Variants in PCDH15 observed in about 807,000 individuals in gnomAD.
PCDH15 encodes protocadherin related 15.
A neutral mutation model predicts 178.5 loss-of-function variants in PCDH15; 129 were observed. That is an observed-to-expected ratio of 0.72 (90% CI 0.63 to 0.84). The LOEUF is 0.84. Ranked by LOEUF, PCDH15 falls within the 40% of genes least tolerant of loss-of-function variation. The pLI is 0.00. For missense variants in PCDH15, 2,230 were observed against 2,099.9 expected, an observed-to-expected ratio of 1.06 and a Z score of -1.21; for synonymous variants, 800 against 732.0, an observed-to-expected ratio of 1.09 and a Z score of -1.50.
chr10:55,434,202 T>A (rs1006206907), intron 2 of PCDH15, among the ~76,000 whole-genome samples: 20 of 144,176 alleles, frequency 1.4e-4, no homozygotes, highest in Non-Finnish European at 2.3e-4. Flanking sequence ...TGCCTCAGCC[T>A]CCCTACAGGC....
At chr10:54,201,777 G>A (rs796439843) in intron 10 of PCDH15, among the ~76,000 whole-genome samples, 30 of 152,030 alleles carry the variant, frequency 2.0e-4, no homozygotes, top group African/African-American at 7.0e-4. Flanking sequence ...TACACGAAGT[G>A]GAAATTAATT....
chr10:55,006,383 T>A (rs1839928223), intron 2 of PCDH15, among the ~76,000 whole-genome samples: 1 of 152,218 alleles, frequency 6.6e-6, no homozygotes, highest in Non-Finnish European at 1.5e-5. Context: ...CAAAATAATA[T>A]TTAATTTAAA....
intron 1 of PCDH15, among the ~76,000 whole-genome samples, chr10:54,786,562 T>C (rs1344757166): frequency 6.6e-6 from 1 of 152,038 alleles, no homozygotes; most frequent in East Asian, 1.9e-4. Context: ...AAATCTGATT[T>C]ATTCATTTAA....
chr10:53,991,375 A>G (rs1355621563), intron 21 of PCDH15, among the ~76,000 whole-genome samples: 1 of 151,942 alleles, frequency 6.6e-6, no homozygotes, highest in African/African-American at 2.4e-5. Context: ...GGATGCACCA[A>G]TCAGCACTCT....
chr10:55,468,381 C>T (rs893356660), intron 2 of PCDH15: 4 of 152,122 alleles, frequency 2.6e-5, no homozygotes, highest in African/African-American at 9.7e-5. Flanking sequence ...GAATTTTGAG[C>T]TGAAAGCTAA....
intron 1 of PCDH15, among the ~76,000 whole-genome samples, chr10:54,751,845 A>G (rs1284428392): frequency 6.6e-6 from 1 of 152,196 alleles, no homozygotes; most frequent in Non-Finnish European, 1.5e-5. Flanking sequence ...TACAAAAGTG[A>G]TGTTATAAAA....
chr10:55,298,706 G>A (rs866062323), intron 1 of PCDH15, among the ~76,000 whole-genome samples: 4 of 151,684 alleles, frequency 2.6e-5, no homozygotes, highest in Admixed American at 2.0e-4. Flanking sequence ...TCCACCTCCC[G>A]AGTAGCTGGG....
At chr10:54,198,300 A>G (rs1375709308) in intron 10 of PCDH15, among the ~76,000 whole-genome samples, 1 of 152,030 alleles carries the variant, frequency 6.6e-6, no homozygotes, top group Non-Finnish European at 1.5e-5. Flanking sequence ...CTACGCCTGG[A>G]AAACATTGTT....
At chr10:55,181,397 T>C (rs570999295) in intron 1 of PCDH15, among the ~76,000 whole-genome samples, 3 of 152,166 alleles carry the variant, frequency 2.0e-5, no homozygotes, top group East Asian at 3.9e-4. Context: ...TGTTAAAATA[T>C]ACTAATTAAT....
chr10:54,088,082 T>A (rs556362894), intron 16 of PCDH15, among the ~76,000 whole-genome samples: 106 of 152,294 alleles, frequency 7.0e-4, no homozygotes, highest in Non-Finnish European at 9.6e-4. Context: ...CAATTCAACC[T>A]CTTTTCATTA....
chr10:53,804,400 C>T lies in PCDH15; in HGVS notation c.*2179G>A, dbSNP rs766446603. On this transcript the variant is annotated 3_prime_UTR_variant, in exon 38 of 38. Coordinates refer to ENST00000644397, the MANE Select transcript of PCDH15 (RefSeq NM_001384140.1). ...GTAACCAAAGAAAGCGTCTAAGAGT[C>T]GCAAAACATTTGGTTGAATCCGTGT... 5.3e-5 allele frequency: 8 copies of T among 151,902 alleles called. No homozygotes were observed. Among genetic ancestry groups the T allele is most frequent in the Non-Finnish European group, 7.4e-5 (5 of 67,898 alleles). The allele number at this position is 151,902 out of a possible 1,614,324, so 9.4% of individuals were successfully genotyped here. A position where few individuals can be genotyped will look rare whatever the true frequency, so the allele number is the denominator to read the frequency against.
chr10:55,547,219 T>C (rs746624231), intron 2 of PCDH15, among the ~76,000 whole-genome samples: 5 of 152,122 alleles, frequency 3.3e-5, no homozygotes, highest in Admixed American at 6.6e-5. Flanking sequence ...TGAAGGCATA[T>C]CAGAGAGGAT....
At chr10:54,126,485 CCATT>C (rs1230302026) in intron 15 of PCDH15, among the ~76,000 whole-genome samples, 2 of 151,918 alleles carry the variant, frequency 1.3e-5, no homozygotes, top group Non-Finnish European at 2.9e-5. Context: ...AAGATAGTCC[CCATT>C]ATTTTAATAA....
intron 3 of PCDH15, among the ~76,000 whole-genome samples, chr10:54,418,030 T>A (rs1214875428): frequency 6.6e-6 from 1 of 152,152 alleles, no homozygotes; most frequent in Non-Finnish European, 1.5e-5. Flanking sequence ...TGGTTTAGCA[T>A]TCTGAGTAGC....
chr10:54,250,668 A>C (rs144574956), intron 8 of PCDH15, among the ~76,000 whole-genome samples: 59 of 152,312 alleles, frequency 3.9e-4, no homozygotes, highest in African/African-American at 1.3e-3. Context: ...CTAGACATTT[A>C]AAAAGCACAC....
intron 2 of PCDH15, among the ~76,000 whole-genome samples, chr10:54,937,788 G>T (rs1837944348): frequency 6.6e-6 from 1 of 151,938 alleles, no homozygotes; most frequent in Admixed American, 6.6e-5. Context: ...GCAAAATTAT[G>T]TCATCTTCAA....
chr10:55,229,279 A>G (rs1044725444), intron 1 of PCDH15, among the ~76,000 whole-genome samples: 9 of 151,922 alleles, frequency 5.9e-5, no homozygotes, highest in East Asian at 1.9e-4. Flanking sequence ...TTTCAAATAG[A>G]CTACCATAAA....
At chr10:53,973,619 T>C (rs563859263) in intron 21 of PCDH15, among the ~76,000 whole-genome samples, 2 of 152,298 alleles carry the variant, frequency 1.3e-5, no homozygotes, top group South Asian at 4.1e-4. Flanking sequence ...TTTGGTTCCG[T>C]ACTCTCATCA....
rs188629902 is a variant in PCDH15, at chr10:54,857,085, G to C, written c.-29+40365C>G. 4.6e-5 allele frequency among the ~76,000 whole-genome samples: 7 copies of C among 152,258 alleles called. No homozygotes were observed. In the East Asian group the frequency reaches 1.2e-3, roughly 25 times the overall value. ...TGCAGGTCGTAAGTGTGCACTTTCT[G>C]TTCAGTGCTTGTTACATACCCATTG... On this transcript the variant is annotated intron_variant, in intron 3 of 5. Coordinates refer to the PCDH15 transcript ENST00000458638.
Sources: allele counts gnomAD v4.1 joint callset (sites outside exome capture counted in the v4.1 genomes callset), GRCh38; gene constraint gnomAD v4.1.1; transcripts MANE v1.5; gene names NCBI Gene and HGNC (gene_info 2026-07-23, HGNC 2026-07-21).